Variants in SEC14L1 observed in about 807,000 individuals in gnomAD.
SEC14L1 encodes the protein SEC14-like protein 1.
SEC14L1 carries 48 observed loss-of-function variants against 85.3 expected under a neutral mutation model. The ratio of observed to expected loss-of-function variants is 0.56; its 90% CI spans 0.45 to 0.72. The LOEUF (loss-of-function observed/expected upper bound fraction) is 0.72, where lower values mean the gene tolerates loss of function less well. Among genes scored for constraint, SEC14L1 ranks in the 30% least tolerant of loss-of-function variants. The pLI is 0.00. For missense variants in SEC14L1, 682 were observed against 921.4 expected, an observed-to-expected ratio of 0.74 and a Z score of 3.36; for synonymous variants, 391 against 355.5, an observed-to-expected ratio of 1.10 and a Z score of -1.12.
chr17:77,193,710 T>A (rs935325313), intron 6 of SEC14L1, among the ~76,000 whole-genome samples, 161 bp downstream of exon 6: 1 of 152,082 alleles, frequency 6.6e-6, no homozygotes, highest in Non-Finnish European at 1.5e-5. Context: ...GTATAGGGGT[T>A]GAGGTTGTGC....
At chr17:77,138,112 C>A (rs147707180), upstream of SEC14L1, among the ~76,000 whole-genome samples, 2 of 151,324 alleles carry the variant, frequency 1.3e-5, no homozygotes, top group African/African-American at 2.4e-5. Flanking sequence ...AGTTCCTGGG[C>A]GGGGGCCACA....
chr17:77,213,753 G>A lies in SEC14L1; in HGVS notation c.2043-165G>A, dbSNP rs1242238881. The A allele has an allele frequency of 6.3e-6, 6 of 957,734 alleles. No individual in the cohort carries two copies. Among genetic ancestry groups the A allele is most frequent in the African/African-American group, 4.8e-5 (3 of 62,110 alleles). The allele number at this position is 957,734 out of a possible 1,614,324, so 59.3% of individuals were successfully genotyped here. On this transcript the variant is annotated intron_variant, in intron 16 of 16. Transcript: ENST00000436233. The surrounding 1 kb of genome is among the most constrained non-coding windows in gnomAD (Gnocchi z 7.1). ...GTCTGCGTGCAGGCTGTGGGAAGCC[G>A]GTCCCCCTGGTGGGTTACTCATGTC...
At position 77,143,617 on chromosome 17, in the gene SEC14L1, C is replaced by G. The variant is rs1049412; in HGVS notation, c.21C>G (p.Ser7=). MVQKYQ[S]PVRVYKYPFE... ...CAATCATGGTGCAGAAATACCAGTC[C>G]CCAGTGAGGGTGTACAAATACCCCT... Residue 7 remains serine (S), a synonymous_variant, in exon 3 of 17, where the codon TCC becomes TCG. Coordinates refer to ENST00000436233, the MANE Select transcript of SEC14L1 (RefSeq NM_001143998.2). The G allele has an allele frequency of 6.2e-7, 1 of 1,613,234 alleles. No individual in the cohort carries two copies. Among genetic ancestry groups the G allele is most frequent in the Non-Finnish European group, 8.5e-7 (1 of 1,179,530 alleles).
chr17:77,207,778 C>T (rs551441270), intron 13 of SEC14L1, among the ~76,000 whole-genome samples: 10 of 152,148 alleles, frequency 6.6e-5, no homozygotes, highest in Admixed American at 3.3e-4. Flanking sequence ...AGTAAAAAAA[C>T]GAAGGGAAGT....
At chr17:77,209,215 A>G (rs1361200296) in intron 13 of SEC14L1, 127 bp from the exon 14 acceptor site, 1 of 1,088,036 alleles carries the variant, frequency 9.2e-7, no homozygotes, top group Non-Finnish European at 1.3e-6. Flanking sequence ...CGACCCTGCC[A>G]GTGTTTTCCA....
At chr17:77,211,504 T>G (rs77932036) in intron 14 of SEC14L1, 29,229 of 174,172 alleles carry the variant, frequency 0.17, 2,867 homozygotes, top group Non-Finnish European at 0.21. Flanking sequence ...CAGGCCCGGT[T>G]CCATGCCCCT....
intron 3 of SEC14L1, among the ~76,000 whole-genome samples, chr17:77,119,680 C>T (rs963564519): frequency 2.9e-4 from 44 of 152,178 alleles, no homozygotes; most frequent in Non-Finnish European, 2.2e-4. Flanking sequence ...AATATTTTCA[C>T]TGATAAGGAG....
At chr17:77,143,357 T>C (rs773175515) in intron 2 of SEC14L1, among the ~76,000 whole-genome samples, 1 of 152,196 alleles carries the variant, frequency 6.6e-6, no homozygotes, top group Non-Finnish European at 1.5e-5. Context: ...CCTCATTGCA[T>C]TGGGGCTTTG....
chr17:77,215,537 G>C lies in SEC14L1; in HGVS notation c.*1514G>C, dbSNP rs904709360. ...GTGTGCCCCGTGCAGGGATCAGGAGGGCGGGGGAGGGACCGAGCAGCCCTC... is the reference window on the plus strand; with the variant it reads ...GTGTGCCCCGTGCAGGGATCAGGAGCGCGGGGGAGGGACCGAGCAGCCCTC... On this transcript the variant is annotated 3_prime_UTR_variant, in exon 17 of 17. Coordinates refer to ENST00000436233, the MANE Select transcript of SEC14L1 (RefSeq NM_001143998.2). 8 of 986,768 alleles carry C rather than the reference G, an allele frequency of 8.1e-6. No individual in the cohort carries two copies. Among genetic ancestry groups the C allele is most frequent in the Non-Finnish European group, 9.6e-6 (8 of 830,592 alleles). 61.1% of individuals were successfully genotyped at this position (986,768 alleles called of 1,614,324 possible).
rs1233739102 is a variant in SEC14L1 at position 77,194,546 on chromosome 17, T to C, written c.475-131T>C. Reference sequence around the variant, plus strand: ...TAGCCTGGGCCACAAAGCGAGACCCTGTCTCAAAAAAAAAAAAAGATTGTG... The same window carrying C: ...TAGCCTGGGCCACAAAGCGAGACCCCGTCTCAAAAAAAAAAAAAGATTGTG... On this transcript the variant is annotated intron_variant, in intron 6 of 16. Coordinates refer to ENST00000436233, the MANE Select transcript of SEC14L1 (RefSeq NM_001143998.2). The C allele has an allele frequency of 5.7e-5, 39 of 681,398 alleles. 1 individual carries two copies. In the East Asian group the frequency reaches 9.7e-4, roughly 17 times the overall value. The allele number at this position is 681,398 out of a possible 1,614,324, so 42.2% of individuals were successfully genotyped here. A position where few individuals can be genotyped will look rare whatever the true frequency, so the allele number is the denominator to read the frequency against.
chr17:77,136,695 C>T (rs992891375), upstream of SEC14L1, among the ~76,000 whole-genome samples: 4 of 152,150 alleles, frequency 2.6e-5, no homozygotes, highest in African/African-American at 9.7e-5. Context: ...AAGGAAGCGT[C>T]GTTCGGGGAG....
chr17:77,195,677 G>T (rs1598381390), intron 7 of SEC14L1, among the ~76,000 whole-genome samples: 1 of 151,844 alleles, frequency 6.6e-6, no homozygotes, highest in Admixed American at 6.6e-5. Flanking sequence ...TAGTAGAGAC[G>T]GGGTTTCACC....
At chr17:77,183,167 C>T (rs773504318) in intron 3 of SEC14L1, among the ~76,000 whole-genome samples, 1 of 152,328 alleles carries the variant, frequency 6.6e-6, no homozygotes, top group East Asian at 1.9e-4. Flanking sequence ...GTCATAAAAG[C>T]AGGTTTTATT....
chr17:77,102,191 G>A (rs892323379), intron 3 of SEC14L1, among the ~76,000 whole-genome samples: 3 of 152,248 alleles, frequency 2.0e-5, no homozygotes, highest in African/African-American at 7.2e-5. Context: ...GAACTGCAGA[G>A]ACAAATCTCC....
intron 3 of SEC14L1, among the ~76,000 whole-genome samples, chr17:77,121,332 G>A (rs1972290239): frequency 6.6e-6 from 1 of 152,102 alleles, no homozygotes; most frequent in South Asian, 2.1e-4. Flanking sequence ...TTTGAATAAT[G>A]GCCACTATTT....
At chr17:77,126,245 T>C (rs1445393860) in intron 3 of SEC14L1, among the ~76,000 whole-genome samples, 1 of 152,206 alleles carries the variant, frequency 6.6e-6, no homozygotes, top group Admixed American at 6.5e-5. Flanking sequence ...AAGTCACTTA[T>C]CCTCTCTGTA....
chr17:77,142,346 G>A (rs1973093176), intron 1 of SEC14L1, among the ~76,000 whole-genome samples: 1 of 152,040 alleles, frequency 6.6e-6, no homozygotes, highest in Non-Finnish European at 1.5e-5. Flanking sequence ...AGGCTGAAGT[G>A]GGCAGATCCC....
chr17:77,130,164 A>T lies in SEC14L1; in HGVS notation c.-135-12482A>T, dbSNP rs576747179. On this transcript the variant is annotated intron_variant, in intron 3 of 19. Transcript: ENST00000392476. ...CACCTAAGCCAGGCCGCTTCCCTGG[A>T]CTTGATGTCCTCGCCTGGTGACACG... 2.0e-5 allele frequency: 3 copies of T among 152,130 alleles called. No homozygotes were observed. In the South Asian group the frequency reaches 6.2e-4, roughly 32 times the overall value. 9.4% of individuals were successfully genotyped at this position (152,130 alleles called of 1,614,324 possible).
At chr17:77,185,296 A>G (rs745939238) in intron 3 of SEC14L1, 90 of 985,304 alleles carry the variant, frequency 9.1e-5, no homozygotes, top group Non-Finnish European at 1.1e-4. Flanking sequence ...CCTGACGCTG[A>G]CAGAGCTCTG....
Sources: gnomAD v4.1 joint callset for allele counts (sites outside exome capture counted in the v4.1 genomes callset) on GRCh38, gnomAD v4.1.1 for gene constraint, Gnocchi (gnomAD v3.1) non-coding constraint, MANE v1.5 for transcripts, NCBI Gene and HGNC (gene_info 2026-07-23, HGNC 2026-07-21) for gene names.